The following CSMD2 variants were observed in gnomAD, a reference collection of about 807,000 sequenced individuals.
CSMD2 encodes the protein CUB and sushi domain-containing protein 2.
Under a neutral mutation model 398.5 loss-of-function variants are expected in CSMD2, and 130 were observed. The ratio of observed to expected loss-of-function variants is 0.33; its 90% CI spans 0.28 to 0.38. The LOEUF (loss-of-function observed/expected upper bound fraction) is 0.38, where lower values mean the gene tolerates loss of function less well. CSMD2 is among the 10% of genes least tolerant of loss of function. The probability of loss-of-function intolerance (pLI) is 1.00; values close to 1 mark genes in which losing one functional copy is unlikely to be tolerated. For missense variants in CSMD2, 3,829 were observed against 4,764.9 expected, an observed-to-expected ratio of 0.80 and a Z score of 5.78; for synonymous variants, 1,828 against 1,908.5, an observed-to-expected ratio of 0.96 and a Z score of 1.10.
intron 12 of CSMD2, among the ~76,000 whole-genome samples, chr1:33,781,120 C>T (rs1349348266): frequency 6.6e-6 from 1 of 152,198 alleles, no homozygotes; most frequent in Non-Finnish European, 1.5e-5. Flanking sequence ...GCACTGCCTG[C>T]AGAGAGCAAG....
chr1:33,832,473 C>T (rs1416921831), intron 6 of CSMD2, among the ~76,000 whole-genome samples: 4 of 144,604 alleles, frequency 2.8e-5, no homozygotes, highest in African/African-American at 1.1e-4. Context: ...ACACAACATA[C>T]CAGAATCTCT....
In CSMD2 at chr1:33,605,461, A is replaced by T; in HGVS notation, c.6353T>A (p.Leu2118His). ...GGGCTCTGGGTCTGGGCACTCTTGA[A>T]GTTCATAGGCTGGAAAAGATCCGGA... The part of the protein sequence containing the change: ...GFKLEYQAYE[L>H]QECPDPEPFA... The change falls in exon 42 of 71, where the codon CTT becomes CAT. Residue 2118 changes from leucine (L) to histidine (H), a missense_variant. By Grantham distance (99) the Leu-to-His change is moderately conservative. Coordinates refer to ENST00000373381, the MANE Select transcript of CSMD2 (RefSeq NM_001281956.2). The T allele has an allele frequency of 6.2e-7, 1 of 1,614,162 alleles. No homozygotes were observed. Among genetic ancestry groups the T allele is most frequent in the South Asian group, 1.1e-5 (1 of 91,078 alleles).
At chr1:34,080,732 T>G (rs1192379818) in intron 2 of CSMD2, among the ~76,000 whole-genome samples, 1 of 151,796 alleles carries the variant, frequency 6.6e-6, no homozygotes, top group East Asian at 1.9e-4. Context: ...CAAGAAATAA[T>G]AAAACTAATT....
At chr1:34,142,930 C>G (rs1332384196) in intron 1 of CSMD2, among the ~76,000 whole-genome samples, 1 of 152,108 alleles carries the variant, frequency 6.6e-6, no homozygotes, top group Non-Finnish European at 1.5e-5. Context: ...TGGACTCTAT[C>G]TAGGGCTGCG....
intron 49 of CSMD2, among the ~76,000 whole-genome samples, chr1:33,575,588 G>C (rs900424034): frequency 2.0e-5 from 3 of 152,158 alleles, no homozygotes; most frequent in Non-Finnish European, 2.9e-5. Context: ...ATGCACAGTA[G>C]TATGGGGATG....
At chr1:33,770,214 G>T (rs1047552452) in intron 13 of CSMD2, among the ~76,000 whole-genome samples, 11 of 152,202 alleles carry the variant, frequency 7.2e-5, no homozygotes, top group African/African-American at 2.7e-4. Context: ...GAGCCACAAT[G>T]GAGTGCTACC....
intron 3 of CSMD2, among the ~76,000 whole-genome samples, chr1:33,998,683 T>C (rs1029742003): frequency 2.0e-5 from 3 of 152,210 alleles, no homozygotes. Flanking sequence ...GTCTGGTACA[T>C]GGAGGACCAG....
intron 32 of CSMD2, among the ~76,000 whole-genome samples, chr1:33,629,145 T>C (rs1030471035): frequency 1.3e-5 from 2 of 149,180 alleles, no homozygotes; most frequent in Non-Finnish European, 3.0e-5. Context: ...AAAAGTATAA[T>C]AACTATTGTC....
intron 15 of CSMD2, among the ~76,000 whole-genome samples, chr1:33,733,889 A>G (rs1016893360): frequency 6.6e-6 from 1 of 152,222 alleles, no homozygotes; most frequent in African/African-American, 2.4e-5. Context: ...AGAATGGACT[A>G]ATACAGATGT....
At chr1:34,030,411 G>A (rs985664048) in intron 3 of CSMD2, among the ~76,000 whole-genome samples, 7 of 152,168 alleles carry the variant, frequency 4.6e-5, no homozygotes, top group Non-Finnish European at 8.8e-5. Flanking sequence ...TCAACGAATG[G>A]GCATGGCTGT....
intron 13 of CSMD2, among the ~76,000 whole-genome samples, chr1:33,746,364 G>T (rs1647384152): frequency 6.6e-6 from 1 of 152,142 alleles, no homozygotes; most frequent in African/African-American, 2.4e-5. Context: ...GACAAAGAAA[G>T]GTGCTAAAGT....
intron 3 of CSMD2, among the ~76,000 whole-genome samples, chr1:33,993,865 C>T (rs942195782): frequency 6.6e-6 from 1 of 152,204 alleles, no homozygotes; most frequent in African/African-American, 2.4e-5. Context: ...CCCCTGCCCG[C>T]ACCTTATCTC....
chr1:33,607,559 T>A (rs944944193), intron 41 of CSMD2, among the ~76,000 whole-genome samples: 1 of 152,222 alleles, frequency 6.6e-6, no homozygotes, highest in African/African-American at 2.4e-5. Flanking sequence ...GAGAGTTATT[T>A]GGGCCTATCA....
In CSMD2 at chr1:33,661,307, T is replaced by C. The variant is rs144359277; in HGVS notation, c.4255+1583A>G. On this transcript the variant is annotated intron_variant, in intron 26 of 70. Transcript: ENST00000373381. ...CAGAGAGTGGATCGAGCCGTCTCTTTAGCATTCTACCCTCCTTACTGCTGG... is the reference window on the plus strand; with the variant it reads ...CAGAGAGTGGATCGAGCCGTCTCTTCAGCATTCTACCCTCCTTACTGCTGG... Among the ~76,000 whole-genome samples the C allele has an allele frequency of 7.2e-5, 11 of 152,332 alleles. No individual in the cohort carries two copies. In the East Asian group the frequency reaches 1.9e-3, roughly 27 times the overall value.
At chr1:33,943,155 C>T (rs1216916216) in intron 3 of CSMD2, among the ~76,000 whole-genome samples, 1 of 152,124 alleles carries the variant, frequency 6.6e-6, no homozygotes, top group Admixed American at 6.5e-5. Context: ...CATGAGAATA[C>T]ATAATAATTT....
At chr1:33,988,847 C>T (rs761582450) in intron 3 of CSMD2, among the ~76,000 whole-genome samples, 10 of 151,534 alleles carry the variant, frequency 6.6e-5, no homozygotes, top group Non-Finnish European at 1.5e-4. Flanking sequence ...AATATTCACA[C>T]AGGGAAAAAA....
chr1:33,633,044 C>CA lies in CSMD2; in HGVS notation c.5200+377dup, dbSNP rs1642560479. Among the ~76,000 whole-genome samples the CA allele has an allele frequency of 6.6e-6, 1 of 152,210 alleles. No homozygotes were observed. ...TGGAAGGAAATCCACTACATCTTGT[C>CA]AGTGGCTCTTTCGGGGTAGTCTTTA... On this transcript the variant is annotated intron_variant, in intron 32 of 70. Transcript: ENST00000373381. The surrounding 1 kb of genome is among the most constrained non-coding windows in gnomAD (Gnocchi z 5.0).
At chr1:33,759,482 T>C (rs140296412) in intron 13 of CSMD2, among the ~76,000 whole-genome samples, 2,898 of 151,796 alleles carry the variant, frequency 0.019, 37 homozygotes, top group South Asian at 0.03. Context: ...CCCGCCACCA[T>C]GCCCGGCTAA....
rs771919326 is a variant in CSMD2, at chr1:33,537,530, G to A, written c.9711C>T (p.Ser3237=). ...GCACCAGAGGGGGATGGCAGGAGAA[G>A]GAGACAGATGACCTGTAGGAGAAGC... The part of the protein sequence containing the change: ...DRGFSYRSSV[S]FSCHPPLVLV... The change falls in exon 61 of 71, where the codon TCC becomes TCT. Residue 3237 remains serine, a synonymous_variant. Transcript: ENST00000373381. This position sits in a 1 kb window ranked among gnomAD's most constrained non-coding sequence, Gnocchi z 4.6. The A allele has an allele frequency of 9.3e-6, 15 of 1,614,112 alleles. No homozygotes were observed. In the African/African-American group the frequency reaches 1.7e-4, roughly 19 times the overall value.
Sources: allele counts gnomAD v4.1 joint callset (sites outside exome capture counted in the v4.1 genomes callset), GRCh38; gene constraint gnomAD v4.1.1; non-coding constraint Gnocchi (gnomAD v3.1); transcripts MANE v1.5; gene names NCBI Gene and HGNC (gene_info 2026-07-23, HGNC 2026-07-21).